GGCX: variants seen among roughly 807,000 people sequenced by gnomAD.
GGCX encodes vitamin K-dependent gamma-carboxylase.
Under a neutral mutation model 88.5 loss-of-function variants are expected in GGCX, and 63 were observed. The ratio of observed to expected loss-of-function variants is 0.71; its 90% CI spans 0.58 to 0.88. The LOEUF is 0.88. Ranked by LOEUF, GGCX falls within the 40% of genes least tolerant of loss-of-function variation. The pLI is 0.00. For synonymous variants in GGCX, 368 were observed against 365.8 expected (o/e 1.01, Z -0.07); for missense variants, 805 against 932.9 (o/e 0.86, Z 1.79).
At chr2:85,560,304 T>C (rs544775645) in intron 2 of GGCX, among the ~76,000 whole-genome samples, 1 of 152,188 alleles carries the variant, frequency 6.6e-6, no homozygotes, top group South Asian at 2.1e-4. Context: ...ATAGCATTTC[T>C]AGCTGGGTAC....
chr2:85,558,508 C>T lies in GGCX; in HGVS notation c.471G>A (p.Trp157Ter), dbSNP rs768716273. 1 of 1,613,412 alleles carries T rather than the reference C, an allele frequency of 6.2e-7. No individual in the cohort carries two copies. Among genetic ancestry groups the T allele is most frequent in the Non-Finnish European group, 8.5e-7 (1 of 1,179,356 alleles). ...ACCCATACAGATAGGAGTGGTTGTT[C>T]CATGATGTCTTGTCCAGGAGAAACA... ...WYVFLLDKTS[W>*]NNHSYLYGLL... The change falls in exon 4 of 15, where the codon TGG (tryptophan) becomes TGA (stop). Residue 157 changes from tryptophan (W) to a stop codon, truncating the protein, a stop_gained. Coordinates refer to ENST00000233838, the MANE Select transcript of GGCX (RefSeq NM_000821.7). LOFTEE classifies it high-confidence loss of function.
At position 85,558,469 on chromosome 2, in the gene GGCX, C is replaced by G; in HGVS notation, c.510G>C (p.Gln170His). Residue 170 changes from glutamine to histidine, a missense_variant, in exon 4 of 15, where the codon CAG becomes CAC. By Grantham distance (24) the Gln-to-His change is conservative (BLOSUM62 0). Around this residue, in one of 3 missense-constraint regions of GGCX, gnomAD observed 680 missense variants for 763.7 expected, o/e 0.89. Coordinates refer to ENST00000233838, the MANE Select transcript of GGCX (RefSeq NM_000821.7). ...AGTGGTTTGCATCCATGAATGTTAG[C>G]TGAAAGGCCAACAACCCATACAGAT... ...HSYLYGLLAF[Q>H]LTFMDANHYW... 6.2e-7 allele frequency: 1 copy of G among 1,614,116 alleles called. No individual in the cohort carries two copies. Among genetic ancestry groups the G allele is most frequent in the Non-Finnish European group, 8.5e-7 (1 of 1,179,962 alleles).
Position 85,561,434 on chromosome 2 carries a change from T to C in GGCX, c.-6A>G, listed in dbSNP as rs1463108921. 9 of 1,570,488 alleles carry C rather than the reference T, an allele frequency of 5.7e-6. No homozygotes were observed. Among genetic ancestry groups the C allele is most frequent in the Non-Finnish European group, 7.8e-6 (9 of 1,157,980 alleles). ...GACCCGGCAGACACCGCCATTGCTCTGCGGAGGAGGCAGGTGGGTCACAGC... is the reference window on the plus strand; with the variant it reads ...GACCCGGCAGACACCGCCATTGCTCCGCGGAGGAGGCAGGTGGGTCACAGC... On this transcript the variant is annotated 5_prime_UTR_variant, in exon 1 of 15. Coordinates refer to ENST00000233838, the MANE Select transcript of GGCX (RefSeq NM_000821.7).
chr2:85,560,978 T>C lies in GGCX; in HGVS notation c.51A>G (p.Val17=). Residue 17 remains valine, a synonymous_variant, in exon 2 of 15, where the codon GTA becomes GTG. Coordinates refer to ENST00000233838, the MANE Select transcript of GGCX (RefSeq NM_000821.7). ...AGATCAGTTCAGCCTTGTCTTTCTG[T>C]ACTTTATCTGCAATCAATAAATGGA... is the stretch of plus-strand genomic sequence containing the variant. ...SARTSPSSDK[V]QKDKAELISG... 6.2e-7 allele frequency: 1 copy of C among 1,612,996 alleles called. No individual in the cohort carries two copies. Among genetic ancestry groups the C allele is most frequent in the Non-Finnish European group, 8.5e-7 (1 of 1,178,928 alleles).
At chr2:85,556,489 T>G (rs1692206819) in intron 4 of GGCX, among the ~76,000 whole-genome samples, 1 of 152,234 alleles carries the variant, frequency 6.6e-6, no homozygotes, top group Non-Finnish European at 1.5e-5. Context: ...TATTTCTTGT[T>G]AGCTCCCAGT....
In GGCX at chr2:85,548,309, C is replaced by G. The variant is rs1573315132; in HGVS notation, c.*1625G>C. On this transcript the variant is annotated 3_prime_UTR_variant, in exon 15 of 15. Coordinates refer to ENST00000233838, the MANE Select transcript of GGCX (RefSeq NM_000821.7). Reference sequence around the variant, plus strand: ...AAGGCTGATGACCTAGAGATAACAGCTTGGCTAAGGTACAGAGCTGCCATT... The same window carrying G: ...AAGGCTGATGACCTAGAGATAACAGGTTGGCTAAGGTACAGAGCTGCCATT... 1 of 152,114 alleles carries G rather than the reference C, an allele frequency of 6.6e-6. No individual in the cohort carries two copies. Among genetic ancestry groups the G allele is most frequent in the African/African-American group, 2.4e-5 (1 of 41,406 alleles). 9.4% of individuals were successfully genotyped at this position (152,114 alleles called of 1,614,324 possible).
At chr2:85,552,295 G>A in intron 10 of GGCX, 121 bp downstream of exon 10, 1 of 982,488 alleles carries the variant, frequency 1.0e-6, no homozygotes, top group Non-Finnish European at 1.6e-6. Context: ...CAGATCAAGG[G>A]GGACATGCAC....
At chr2:85,559,128 G>A in intron 2 of GGCX, 53 bp from the exon 3 acceptor site, 3 of 1,424,514 alleles carry the variant, frequency 2.1e-6, no homozygotes, top group Non-Finnish European at 3.0e-6. Flanking sequence ...GGAAGCAGTA[G>A]AATACAGTGG....
Position 85,561,383 on chromosome 2 carries a change from T to C in GGCX, c.43+3A>G. 6.6e-7 allele frequency: 1 copy of C among 1,522,224 alleles called. No homozygotes were observed. Among genetic ancestry groups the C allele is most frequent in the Non-Finnish European group, 8.9e-7 (1 of 1,127,554 alleles). The allele number at this position is 1,522,224 out of a possible 1,614,324, so 94.3% of individuals were successfully genotyped here. A position where few individuals can be genotyped will look rare whatever the true frequency, so the allele number is the denominator to read the frequency against. On this transcript the variant is annotated splice_donor_region_variant and intron_variant, in intron 1 of 14. Transcript: ENST00000233838. Reference sequence around the variant, plus strand: ...CCGCCGGAGGGCGGGGTCCTAAGCCTACCTGAGCTGGGCGAGGTCCGCGCG... The same window carrying C: ...CCGCCGGAGGGCGGGGTCCTAAGCCCACCTGAGCTGGGCGAGGTCCGCGCG...
chr2:85,556,356 C>T (rs1182307927), intron 4 of GGCX, 96 bp from the exon 5 acceptor site: 1 of 784,042 alleles, frequency 1.3e-6, no homozygotes, highest in Non-Finnish European at 2.3e-6. Context: ...CTATCCTGGG[C>T]ACATCTCCCA....
chr2:85,546,729 A>C lies in GGCX; in HGVS notation c.*3205T>G, dbSNP rs1420195604. ...AAAACTTGGAAATCTGTTGGGAAGT[A>C]GGGGGAGGGCAAGGTTAAAACCTAT... On this transcript the variant is annotated 3_prime_UTR_variant, in exon 15 of 15. Coordinates refer to ENST00000233838, the MANE Select transcript of GGCX (RefSeq NM_000821.7). The C allele has an allele frequency of 1.3e-5, 2 of 152,244 alleles. No homozygotes were observed. The highest frequency in any genetic ancestry group is 2.9e-5 in the Non-Finnish European group (2 of 68,056). The allele number at this position is 152,244 out of a possible 1,614,324, so 9.4% of individuals were successfully genotyped here. A position where few individuals can be genotyped will look rare whatever the true frequency, so the allele number is the denominator to read the frequency against.
In GGCX at chr2:85,553,417, G is replaced by A; in HGVS notation, c.970C>T (p.Pro324Ser). The change falls in exon 8 of 15, where the codon CCC (proline) becomes TCC (serine). Residue 324 changes from proline (P) to serine (S), a missense_variant. Pro to Ser is a moderately conservative substitution (Grantham distance 74). Transcript: ENST00000233838. The part of the protein sequence containing the change: ...EWPRKLVSYC[P>S]RRLQQLLPLK... Reference sequence around the variant, plus strand: ...GGCAACAGTTGTTGCAACCTTCGGGGGCAGTAGGACACCAGCTTCCGAGGC... The same window carrying A: ...GGCAACAGTTGTTGCAACCTTCGGGAGCAGTAGGACACCAGCTTCCGAGGC... 1.2e-6 allele frequency: 2 copies of A among 1,614,008 alleles called. No individual in the cohort carries two copies. Among genetic ancestry groups the A allele is most frequent in the South Asian group, 2.2e-5 (2 of 91,084 alleles).
Position 85,550,907 on chromosome 2 carries a change from A to C in GGCX, c.1888+18T>G. On this transcript the variant is annotated intron_variant, in intron 13 of 14. Transcript: ENST00000233838. ...TTGAAACCAGAGGCTATCTCAGCCC[A>C]AATGTTCATACACTCACCACTTCCA... is the stretch of plus-strand genomic sequence containing the variant. The C allele has an allele frequency of 1.2e-6, 2 of 1,613,670 alleles. No individual in the cohort carries two copies. Among genetic ancestry groups the C allele is most frequent in the Non-Finnish European group, 1.7e-6 (2 of 1,179,624 alleles).
In GGCX at chr2:85,557,794, A is replaced by G. The variant is rs1386428930; in HGVS notation, c.539+646T>C. ...AATAAATAAAACTTAATGACTGTTA[A>G]TGAATTCAATGTTTGAGTTTTTTTC... On this transcript the variant is annotated intron_variant, in intron 4 of 14. Coordinates refer to ENST00000233838, the MANE Select transcript of GGCX (RefSeq NM_000821.7). Among the ~76,000 whole-genome samples the G allele has an allele frequency of 5.3e-5, 8 of 152,326 alleles. No individual in the cohort carries two copies. The South Asian group carries it at 1.7e-3, about 32-fold the overall frequency.
At chr2:85,554,589 C>T (rs13026832) in intron 6 of GGCX, 996 of 464,270 alleles carry the variant, frequency 2.1e-3, no homozygotes, top group Non-Finnish European at 3.2e-3. Context: ...TCTCAGCCTC[C>T]GAAGTAGCTG....
rs1691621069 is a variant in GGCX, at chr2:85,545,593, G to A, written c.*4341C>T. The A allele has an allele frequency of 6.6e-6, 1 of 152,164 alleles. No individual in the cohort carries two copies. The highest frequency in any genetic ancestry group is 6.5e-5 in the Admixed American group (1 of 15,278). The allele number at this position is 152,164 out of a possible 1,614,324, so 9.4% of individuals were successfully genotyped here. ...GGGTGGGCATTTTTTAAAAGCCTAA[G>A]CAAGATTTAGTCCTCCTAGTCCACT... On this transcript the variant is annotated 3_prime_UTR_variant, in exon 15 of 15. Transcript: ENST00000233838.
Position 85,550,974 on chromosome 2 carries a change from T to A in GGCX, c.1839A>T (p.Gln613His), listed in dbSNP as rs761904735. The A allele has an allele frequency of 6.2e-7, 1 of 1,614,134 alleles. No individual in the cohort carries two copies. Among genetic ancestry groups the A allele is most frequent in the South Asian group, 1.1e-5 (1 of 91,084 alleles). ...YVNTTELALEQDLAYLQELKE... is the reference protein window; with the variant it reads ...YVNTTELALEHDLAYLQELKE... ...TTAATTCTTGCAGATATGCCAGGTC[T>A]TGCTCCAGTGCAAGCTCTGTAGTGT... Residue 613 changes from glutamine (Q) to histidine (H), a missense_variant, in exon 13 of 15, where the codon CAA becomes CAT. Gln to His is a conservative substitution (Grantham distance 24, BLOSUM62 0). This residue lies in a region of GGCX where 680 missense variants were observed against 763.7 expected (regional missense o/e 0.89). Coordinates refer to ENST00000233838, the MANE Select transcript of GGCX (RefSeq NM_000821.7).
In GGCX at chr2:85,550,607, G is replaced by A. The variant is rs1264097653; in HGVS notation, c.2032C>T (p.His678Tyr). The A allele has an allele frequency of 6.2e-7, 1 of 1,613,878 alleles. No individual in the cohort carries two copies. Among genetic ancestry groups the A allele is most frequent in the Non-Finnish European group, 8.5e-7 (1 of 1,179,866 alleles). ...AACAAGAAGCGGAAGAATCGCTCAT[G>A]GAAAGGAGTATTTCGCCGGCGTTCA... Reference protein sequence around the residue: ...EIERRRNTPFHERFFRFLLRK... With the variant: ...EIERRRNTPFYERFFRFLLRK... Residue 678 changes from histidine (H) to tyrosine (Y), a missense_variant, in exon 14 of 15, where the codon CAT becomes TAT. Around this residue, in one of 3 missense-constraint regions of GGCX, gnomAD observed 680 missense variants for 763.7 expected, o/e 0.89. Coordinates refer to ENST00000233838, the MANE Select transcript of GGCX (RefSeq NM_000821.7).
At chr2:85,561,278 GACC>G (rs759067647) in intron 1 of GGCX, 105 bp downstream of exon 1, 5 of 567,832 alleles carry the variant, frequency 8.8e-6, no homozygotes, top group Non-Finnish European at 9.2e-6. Flanking sequence ...CCCCACAGAG[GACC>G]CCCCCCCCGC....
Sources: gnomAD v4.1 joint callset for allele counts (sites outside exome capture counted in the v4.1 genomes callset) on GRCh38, gnomAD v4.1.1 for gene constraint, gnomAD v4.1.1 regional missense constraint, MANE v1.5 for transcripts, NCBI Gene and HGNC (gene_info 2026-07-23, HGNC 2026-07-21) for gene names.